SORCS2: variants seen among roughly 807,000 people sequenced by gnomAD.
The protein encoded by SORCS2 is VPS10 domain-containing receptor SorCS2.
Under a neutral mutation model 141.6 loss-of-function variants are expected in SORCS2, and 100 were observed. The observed-to-expected ratio is 0.71, with a 90% CI of 0.60 to 0.83. The LOEUF is 0.83. Ranked by LOEUF, SORCS2 falls within the 40% of genes least tolerant of loss-of-function variation. The pLI is 0.00. For synonymous variants in SORCS2, 789 were observed against 676.9 expected, an observed-to-expected ratio of 1.17 and a Z score of -2.57; for missense variants, 1,646 against 1,560.2, an observed-to-expected ratio of 1.05 and a Z score of -0.93.
chr4:7,470,683 C>A (rs1024937078), intron 2 of SORCS2, among the ~76,000 whole-genome samples: 1 of 152,108 alleles, frequency 6.6e-6, no homozygotes, highest in Non-Finnish European at 1.5e-5. Flanking sequence ...AGACAGGGCT[C>A]GGAGGAAAAA....
chr4:7,634,850 C>A (rs1298370744), intron 3 of SORCS2, among the ~76,000 whole-genome samples: 4 of 152,198 alleles, frequency 2.6e-5, no homozygotes. Flanking sequence ...ACCCCTGCAG[C>A]CTTCCTCCCA....
rs539955264 is a variant in SORCS2 at position 7,420,713 on chromosome 4, G to T, written c.548+24358G>T. On this transcript the variant is annotated intron_variant, in intron 2 of 26. Coordinates refer to ENST00000507866, the MANE Select transcript of SORCS2 (RefSeq NM_020777.3). ...CATCTAGCAAGCTAGGGCAGTGGCA[G>T]TCACATACCTGGAGAGGACTCCGTG... 2.0e-4 allele frequency among the ~76,000 whole-genome samples: 30 copies of T among 152,270 alleles called. No homozygotes were observed. In the South Asian group the frequency reaches 6.0e-3, roughly 31 times the overall value.
In SORCS2 at chr4:7,373,458, TTA is replaced by T. The variant is rs1553850461; in HGVS notation, c.481-22810_481-22809del. Among the ~76,000 whole-genome samples the T allele has an allele frequency of 7.4e-3, 615 of 82,796 alleles. 56 individuals carry two copies. Among genetic ancestry groups the T allele is most frequent in the African/African-American group, 0.022 (311 of 14,060 alleles). 54.3% of individuals were successfully genotyped at this position (82,796 alleles called of 152,430 possible). A position where few individuals can be genotyped will look rare whatever the true frequency, so the allele number is the denominator to read the frequency against. On this transcript the variant is annotated intron_variant, in intron 1 of 26. Transcript: ENST00000507866. The stretch of plus-strand genomic sequence containing the variant: ...TGTTGTATTGAATTGTGAGAAACTT[TTA>T]TATATATATATATATATATTTTTTT...
chr4:7,677,187 T>C (rs1328824995), intron 9 of SORCS2, among the ~76,000 whole-genome samples: 1 of 152,140 alleles, frequency 6.6e-6, no homozygotes, highest in African/African-American at 2.4e-5. Context: ...GATGGGAGCC[T>C]TCCTCGCTGC....
chr4:7,550,037 G>A (rs921681130), intron 3 of SORCS2, among the ~76,000 whole-genome samples: 4 of 151,858 alleles, frequency 2.6e-5, no homozygotes, highest in South Asian at 2.1e-4. Flanking sequence ...GAGCAGGGCC[G>A]GGGAGAGCTG....
At chr4:7,608,929 G>GGCACTAGCCGA (rs1718227246) in intron 3 of SORCS2, among the ~76,000 whole-genome samples, 1 of 152,120 alleles carries the variant, frequency 6.6e-6, no homozygotes, top group Non-Finnish European at 1.5e-5. Context: ...GCCAGCATCA[G>GGCACTAGCCGA]GCACTAGCCG....
chr4:7,727,778 G>A (rs1206044509), intron 21 of SORCS2, among the ~76,000 whole-genome samples: 1 of 152,202 alleles, frequency 6.6e-6, no homozygotes, highest in African/African-American at 2.4e-5. Context: ...CCTGAGAAGT[G>A]GAGAGGTTAA....
intron 2 of SORCS2, among the ~76,000 whole-genome samples, chr4:7,407,774 T>C (rs1725062866): frequency 6.6e-6 from 1 of 152,164 alleles, no homozygotes; most frequent in Non-Finnish European, 1.5e-5. Flanking sequence ...ACTATTTTTC[T>C]TTGTGGTTAA....
rs142833473 is a variant in SORCS2, at chr4:7,448,259, G to A, written c.548+51904G>A. Among the ~76,000 whole-genome samples, 3 of 152,090 alleles carry A rather than the reference G, an allele frequency of 2.0e-5. No homozygotes were observed. The South Asian group carries it at 6.2e-4, about 31-fold the overall frequency. On this transcript the variant is annotated intron_variant, in intron 2 of 26. Coordinates refer to ENST00000507866, the MANE Select transcript of SORCS2 (RefSeq NM_020777.3). ...CGCCTGGAGGTGGAACTGCGGCGCA[G>A]GGCAAGGGGCATCTCCCACGTCACC... is the stretch of plus-strand genomic sequence containing the variant.
chr4:7,592,041 C>G (rs78842085), intron 3 of SORCS2, among the ~76,000 whole-genome samples: 4 of 152,060 alleles, frequency 2.6e-5, no homozygotes, highest in African/African-American at 9.7e-5. Context: ...AGGAAAGCGC[C>G]GAGGCTTTCA....
chr4:7,489,847 G>A (rs1398944134), intron 2 of SORCS2, among the ~76,000 whole-genome samples: 1 of 152,166 alleles, frequency 6.6e-6, no homozygotes, highest in East Asian at 1.9e-4. Context: ...TGTGACTGGG[G>A]CTGGGTGAGT....
At chr4:7,529,652 G>C (rs1202972461) in intron 2 of SORCS2, among the ~76,000 whole-genome samples, 1 of 152,186 alleles carries the variant, frequency 6.6e-6, no homozygotes, top group Non-Finnish European at 1.5e-5. Context: ...GGTGGGGAAG[G>C]AAGGGGAGGC....
intron 1 of SORCS2, among the ~76,000 whole-genome samples, chr4:7,269,879 C>A (rs1302420714): frequency 6.6e-6 from 1 of 152,112 alleles, no homozygotes; most frequent in Non-Finnish European, 1.5e-5. Flanking sequence ...GTGGATTGTA[C>A]TACTTATTTT....
At chr4:7,727,672 T>A (rs1171068822) in intron 21 of SORCS2, among the ~76,000 whole-genome samples, 1 of 152,132 alleles carries the variant, frequency 6.6e-6, no homozygotes, top group Non-Finnish European at 1.5e-5. Context: ...CCACCCTCAT[T>A]GTAAGATGTT....
At chr4:7,543,823 C>T (rs1253483286) in intron 3 of SORCS2, among the ~76,000 whole-genome samples, 3 of 54,076 alleles carry the variant, frequency 5.5e-5, no homozygotes, top group Non-Finnish European at 8.4e-5. Flanking sequence ...CATCCATCTA[C>T]CCATCTGTCC....
chr4:7,510,808 G>A (rs1325693318), intron 2 of SORCS2, among the ~76,000 whole-genome samples: 1 of 152,204 alleles, frequency 6.6e-6, no homozygotes, highest in East Asian at 1.9e-4. Context: ...CAACGTCAGA[G>A]TGGAGCCTCC....
chr4:7,495,989 C>A (rs900053090), intron 2 of SORCS2, among the ~76,000 whole-genome samples: 1 of 152,246 alleles, frequency 6.6e-6, no homozygotes, highest in South Asian at 2.1e-4. Context: ...GAATGTGGGC[C>A]GAGGGTGGAA....
At chr4:7,317,467 G>A (rs1718633438) in intron 1 of SORCS2, among the ~76,000 whole-genome samples, 1 of 152,140 alleles carries the variant, frequency 6.6e-6, no homozygotes, top group East Asian at 1.9e-4. Flanking sequence ...GTCCAATCTG[G>A]GCCCCCTCTG....
At chr4:7,295,692 C>G (rs1717002135) in intron 1 of SORCS2, among the ~76,000 whole-genome samples, 1 of 152,252 alleles carries the variant, frequency 6.6e-6, no homozygotes, top group Non-Finnish European at 1.5e-5. Context: ...GGACGGCACT[C>G]TCAGCCTTAT....
Sources: allele counts gnomAD v4.1 joint callset (sites outside exome capture counted in the v4.1 genomes callset), GRCh38; gene constraint gnomAD v4.1.1; transcripts MANE v1.5; gene names NCBI Gene and HGNC (gene_info 2026-07-23, HGNC 2026-07-21).